Variants in TLE1 observed in about 807,000 individuals in gnomAD.
TLE1 encodes TLE family member 1, transcriptional corepressor.
TLE1 carries 21 observed loss-of-function variants against 89.8 expected under a neutral mutation model. That is an observed-to-expected ratio of 0.23 (90% CI 0.17 to 0.34). The LOEUF is 0.34. Ranked by LOEUF, TLE1 falls within the 10% of genes least tolerant of loss-of-function variation. The probability of loss-of-function intolerance (pLI) is 1.00; values close to 1 mark genes in which losing one functional copy is unlikely to be tolerated. For missense variants in TLE1, 795 were observed against 1,031.2 expected, an observed-to-expected ratio of 0.77 and a Z score of 3.14; for synonymous variants, 447 against 407.6, an observed-to-expected ratio of 1.10 and a Z score of -1.16.
At chr9:81,687,021 T>C (rs1441300981) in intron 2 of TLE1, among the ~76,000 whole-genome samples, 1 of 152,162 alleles carries the variant, frequency 6.6e-6, no homozygotes, top group Non-Finnish European at 1.5e-5. Context: ...ATGTTTCAGC[T>C]CAGTCTGCTG....
At chr9:81,685,766 T>C (rs776027452) in intron 3 of TLE1, 46 bp from the exon 4 acceptor site, 2 of 1,612,572 alleles carry the variant, frequency 1.2e-6, no homozygotes, top group African/African-American at 2.7e-5. Flanking sequence ...CTCATGTTTT[T>C]TACACTCTGC....
intron 4 of TLE1, among the ~76,000 whole-genome samples, chr9:81,676,781 C>A (rs1049641127): frequency 1.7e-4 from 26 of 152,122 alleles, no homozygotes; most frequent in African/African-American, 6.0e-4. Flanking sequence ...GCTGGAGTTC[C>A]CAGGGTGCGG....
intron 14 of TLE1, among the ~76,000 whole-genome samples, chr9:81,604,478 G>A (rs1041835928): frequency 2.0e-5 from 3 of 152,196 alleles, no homozygotes; most frequent in African/African-American, 7.2e-5. Context: ...GCAGTGTGCT[G>A]TGTGGTCTCA....
chr9:81,687,045 T>G (rs187412118), intron 2 of TLE1, among the ~76,000 whole-genome samples: 2 of 152,022 alleles, frequency 1.3e-5, no homozygotes. Context: ...AATAAATACA[T>G]GAAGTGCAAA....
intron 4 of TLE1, among the ~76,000 whole-genome samples, chr9:81,679,277 A>T (rs973140244): frequency 1.3e-5 from 2 of 150,862 alleles, no homozygotes; most frequent in South Asian, 4.2e-4. Flanking sequence ...GTAGTCTACA[A>T]ACAATAATTT....
intron 9 of TLE1, among the ~76,000 whole-genome samples, chr9:81,616,982 C>CT: frequency 6.6e-6 from 1 of 152,134 alleles, no homozygotes; most frequent in Non-Finnish European, 1.5e-5. Context: ...GTTGCAAATA[C>CT]TTGGCAGATT....
At chr9:81,622,608 G>GC (rs1309818270) in intron 8 of TLE1, among the ~76,000 whole-genome samples, 1 of 152,186 alleles carries the variant, frequency 6.6e-6, no homozygotes, top group East Asian at 1.9e-4. Flanking sequence ...TGTGTTCAAA[G>GC]TTACTACTGT....
In TLE1 at chr9:81,611,807, C is replaced by A; in HGVS notation, c.1216G>T (p.Ala406Ser). 6.5e-7 allele frequency: 1 copy of A among 1,548,606 alleles called. No homozygotes were observed. Among genetic ancestry groups the A allele is most frequent in the Non-Finnish European group, 8.7e-7 (1 of 1,154,674 alleles). Residue 406 changes from alanine to serine, a missense_variant, in exon 13 of 20, where the codon GCC becomes TCC. Ala to Ser is a moderately conservative substitution (Grantham distance 99). This residue lies in a region of TLE1 where 468 missense variants were observed against 509.1 expected (regional missense o/e 0.92). Coordinates refer to ENST00000376499, the MANE Select transcript of TLE1 (RefSeq NM_005077.5). ...CCGTAGGCCACCACGGCGGCCGCGG[C>A]GGCTGCGGCGCTCATCTGGGGCGAC... The part of the protein sequence containing the change: ...NMSPQMSAAA[A>S]AAAVVAYGRS...
intron 17 of TLE1, among the ~76,000 whole-genome samples, chr9:81,586,081 T>G (rs2796458): frequency 0.66 from 99,115 of 149,238 alleles, 33,312 homozygotes; most frequent in Middle Eastern, 0.82. Context: ...GAAGCGGCGT[T>G]ATCTCGGCTC....
At chr9:81,585,724 A>C (rs976827297) in intron 17 of TLE1, 69 bp from the exon 18 acceptor site, 9 of 1,560,732 alleles carry the variant, frequency 5.8e-6, no homozygotes, top group African/African-American at 2.7e-5. Flanking sequence ...ACGCAATGTG[A>C]AAAGTGGGGA....
intron 1 of TLE1, among the ~76,000 whole-genome samples, chr9:81,687,749 G>A (rs973339017): frequency 6.6e-6 from 1 of 151,922 alleles, no homozygotes; most frequent in Non-Finnish European, 1.5e-5. Context: ...TGTCGGTGTC[G>A]CCGCCCCTTC....
At chr9:81,686,980 A>C (rs1463223329) in intron 2 of TLE1, among the ~76,000 whole-genome samples, 1 of 152,174 alleles carries the variant, frequency 6.6e-6, no homozygotes, top group African/African-American at 2.4e-5. Flanking sequence ...CCCTGAACCC[A>C]CACTCCAGGA....
At chr9:81,605,307 G>A (rs527999721) in intron 14 of TLE1, among the ~76,000 whole-genome samples, 42 of 152,288 alleles carry the variant, frequency 2.8e-4, no homozygotes, top group African/African-American at 9.6e-4. Context: ...CAGTCATCGA[G>A]AGTGAGCGAC....
At chr9:81,685,918 C>G in intron 2 of TLE1, 22 bp from the exon 3 acceptor site, 2 of 1,612,078 alleles carry the variant, frequency 1.2e-6, no homozygotes, top group South Asian at 1.1e-5. Context: ...AAACAGGCAA[C>G]TTAATGTAAA....
At chr9:81,633,288 C>CGTGGGTGTGTGTGT (rs1826915936) in intron 8 of TLE1, 60 bp downstream of exon 8, 1 of 1,301,234 alleles carries the variant, frequency 7.7e-7, no homozygotes, top group Non-Finnish European at 1.0e-6. Context: ...AGAAGGGGAC[C>CGTGGGTGTGTGTGT]GTGTGTGTGT....
chr9:81,685,931 TTA>T (rs1302597418), intron 2 of TLE1, 35 bp from the exon 3 acceptor site: 18 of 1,607,950 alleles, frequency 1.1e-5, no homozygotes, highest in Non-Finnish European at 1.5e-5. Context: ...AATGTAAACA[TTA>T]TGTCACTTGT....
chr9:81,669,397 A>G (rs1309451484), intron 4 of TLE1, among the ~76,000 whole-genome samples: 2 of 152,230 alleles, frequency 1.3e-5, no homozygotes, highest in African/African-American at 4.8e-5. Context: ...GTTAAACAAT[A>G]TATTAATGAG....
At position 81,634,177 on chromosome 9, in the gene TLE1, G is replaced by A. The variant is rs756480525; in HGVS notation, c.497C>T (p.Ala166Val). The change falls in exon 7 of 20, where the codon GCG (alanine) becomes GTG (valine). Residue 166 changes from alanine (A) to valine (V), a missense_variant. Physicochemically the swap from Ala to Val is moderately conservative, Grantham distance 64. Transcript: ENST00000376499. ...PPLGGSAGLL[A>V]LSSALSGQSH... is the part of the protein sequence containing the mutation. ...CTGCCCACTCAGAGCACTAGACAGC[G>A]CAAGAAGGCCGGCACTGCCCCCGAG... 1.1e-5 allele frequency: 18 copies of A among 1,597,104 alleles called. No individual in the cohort carries two copies. The highest frequency in any genetic ancestry group is 1.7e-5 in the Admixed American group (1 of 58,132).
intron 9 of TLE1, among the ~76,000 whole-genome samples, chr9:81,619,648 T>C (rs1474197467): frequency 6.6e-6 from 1 of 152,218 alleles, no homozygotes; most frequent in Non-Finnish European, 1.5e-5. Flanking sequence ...TTTCATACTG[T>C]TCCTGAGAAT....
Sources: allele counts gnomAD v4.1 joint callset (sites outside exome capture counted in the v4.1 genomes callset), GRCh38; gene constraint gnomAD v4.1.1; regional missense constraint gnomAD v4.1.1; transcripts MANE v1.5; gene names NCBI Gene and HGNC (gene_info 2026-07-23, HGNC 2026-07-21).